The following ANKS1B variants were observed in gnomAD, a reference collection of about 807,000 sequenced individuals.
ANKS1B encodes ankyrin repeat and sterile alpha motif domain containing 1B, also known as ankyrin repeat and sterile alpha motif domain-containing protein 1B.
In ANKS1B, 36 loss-of-function variants were observed where a neutral mutation model predicts 148.3. That is an observed-to-expected ratio of 0.24 (90% confidence interval 0.19 to 0.32). The LOEUF is 0.32. Among genes scored for constraint, ANKS1B ranks in the 10% least tolerant of loss-of-function variants. The probability of loss-of-function intolerance (pLI) is 1.00; values close to 1 mark genes in which losing one functional copy is unlikely to be tolerated. For missense variants in ANKS1B, 1,157 were observed against 1,542.6 expected (o/e 0.75, Z 4.19); for synonymous variants, 542 against 560.8 (o/e 0.97, Z 0.47).
In ANKS1B at chr12:98,870,144, A is replaced by G. The variant is rs149529846; in HGVS notation, c.2779-38008T>C. On this transcript the variant is annotated intron_variant, in intron 17 of 26. Transcript: ENST00000683438. Reference sequence around the variant, plus strand: ...CTCCTGGAATTGTTTGAAAGATTCAATGTGAATTCAATGATATAACACATC... The same window carrying G: ...CTCCTGGAATTGTTTGAAAGATTCAGTGTGAATTCAATGATATAACACATC... Among the ~76,000 whole-genome samples the G allele has an allele frequency of 1.3e-3, 201 of 152,360 alleles. 2 individuals carry two copies. The highest frequency in any genetic ancestry group is 4.7e-3 in the African/African-American group (197 of 41,586).
At chr12:99,809,802 G>A (rs1453620965) in intron 3 of ANKS1B, among the ~76,000 whole-genome samples, 9 of 152,042 alleles carry the variant, frequency 5.9e-5, no homozygotes, top group Admixed American at 5.9e-4. Flanking sequence ...TCAGAATGAA[G>A]CCCTGACTAT....
At chr12:99,417,571 T>C (rs531847078) in intron 11 of ANKS1B, among the ~76,000 whole-genome samples, 1 of 152,274 alleles carries the variant, frequency 6.6e-6, no homozygotes, top group Admixed American at 6.5e-5. Flanking sequence ...AATAATCTTA[T>C]ATTTACAAAA....
intron 4 of ANKS1B, among the ~76,000 whole-genome samples, chr12:99,801,066 C>A (rs1042561787): frequency 2.0e-5 from 3 of 152,102 alleles, no homozygotes; most frequent in Non-Finnish European, 4.4e-5. Context: ...CTTTGTACTT[C>A]TTTCCACTTA....
rs75073229 is a variant in ANKS1B at position 99,145,544 on chromosome 12, G to A, written c.2526+8745C>T. 7.0e-3 allele frequency among the ~76,000 whole-genome samples: 1,070 copies of A among 152,150 alleles called. 10 individuals are homozygous for A. Among genetic ancestry groups the A allele is most frequent in the African/African-American group, 0.023 (963 of 41,522 alleles). ...GGAAACTGTAAACAAAAGTGAATGC[G>A]TATATTTATTTGGCAGTGAGCATTC... is the stretch of plus-strand genomic sequence containing the variant. On this transcript the variant is annotated intron_variant, in intron 15 of 26. Transcript: ENST00000683438.
At position 98,744,098 on chromosome 12, in the gene ANKS1B, C is replaced by G. The variant is rs893146978; in HGVS notation, c.*1641G>C. 5 of 984,748 alleles carry G rather than the reference C, an allele frequency of 5.1e-6. No homozygotes were observed. In the African/African-American group the frequency reaches 7.0e-5, roughly 14 times the overall value. The allele number at this position is 984,748 out of a possible 1,614,324, so 61.0% of individuals were successfully genotyped here. ...CACATATGCTTCTGTTTCAGCAAAG[C>G]TCCTATTAACTTTGCTCCTATACAA... On this transcript the variant is annotated 3_prime_UTR_variant, in exon 27 of 27. Transcript: ENST00000683438.
rs200475160 is a variant in ANKS1B, at chr12:99,789,355, T to TACA, written c.670-7261_670-7259dup. 2.8e-4 allele frequency among the ~76,000 whole-genome samples: 42 copies of TACA among 152,192 alleles called. No homozygotes were observed. The East Asian group carries it at 7.9e-3, about 29-fold the overall frequency. The stretch of plus-strand genomic sequence containing the variant: ...GGAAAGTCTTCCTAAGAAGGACAGA[T>TACA]ACAAACAGGTCCAGACTGTGAAGAC... On this transcript the variant is annotated intron_variant, in intron 4 of 26. Coordinates refer to ENST00000683438, the MANE Select transcript of ANKS1B (RefSeq NM_001352186.2).
rs1048459200 is a variant in ANKS1B at position 99,300,531 on chromosome 12, G to A, written c.1757-53667C>T. ...CAAAGCCCATTATAATAAACTCCAT[G>A]GAGCATCTACATTTTTGCTTGCAGT... is the stretch of plus-strand genomic sequence containing the variant. On this transcript the variant is annotated intron_variant, in intron 12 of 26. Transcript: ENST00000683438. Among the ~76,000 whole-genome samples the A allele has an allele frequency of 2.0e-5, 3 of 151,744 alleles. No homozygotes were observed. The South Asian group carries it at 6.2e-4, about 31-fold the overall frequency.
intron 3 of ANKS1B, among the ~76,000 whole-genome samples, chr12:99,811,882 T>C (rs1002430001): frequency 6.6e-6 from 1 of 151,872 alleles, no homozygotes; most frequent in Non-Finnish European, 1.5e-5. Context: ...TCAATGGCTA[T>C]AAAATGGCTG....
intron 2 of ANKS1B, among the ~76,000 whole-genome samples, chr12:99,823,506 A>G (rs1377980332): frequency 2.0e-5 from 3 of 152,066 alleles, no homozygotes; most frequent in African/African-American, 7.2e-5. Flanking sequence ...GGGTTTTGCC[A>G]CATTGGTCAG....
chr12:99,202,835 C>T (rs535171902), intron 14 of ANKS1B, among the ~76,000 whole-genome samples: 12 of 152,312 alleles, frequency 7.9e-5, no homozygotes, highest in Middle Eastern at 3.4e-3. Flanking sequence ...TACCACCAGT[C>T]ATGCCACTTG....
intron 1 of ANKS1B, among the ~76,000 whole-genome samples, chr12:99,843,366 C>T (rs1004234493): frequency 2.0e-5 from 3 of 152,024 alleles, no homozygotes; most frequent in Non-Finnish European, 2.9e-5. Context: ...GGCTATTAAG[C>T]CCAGCATCCA....
chr12:98,863,481 T>C (rs2099609811), intron 17 of ANKS1B, among the ~76,000 whole-genome samples: 1 of 152,214 alleles, frequency 6.6e-6, no homozygotes, highest in Admixed American at 6.5e-5. Context: ...GTGGAGACCC[T>C]GATTAGTCTG....
At chr12:99,709,041 T>A (rs1187783110) in intron 8 of ANKS1B, among the ~76,000 whole-genome samples, 6 of 152,110 alleles carry the variant, frequency 3.9e-5, no homozygotes, top group Non-Finnish European at 1.5e-5. Context: ...TCTGGGAAAT[T>A]TTTGAGCCAT....
chr12:99,513,247 T>C (rs1249508630), intron 9 of ANKS1B, among the ~76,000 whole-genome samples: 1 of 152,016 alleles, frequency 6.6e-6, no homozygotes, highest in East Asian at 1.9e-4. Context: ...TTAGACATAA[T>C]GCTATTGCAC....
At chr12:99,211,494 C>T (rs2083338753) in intron 14 of ANKS1B, among the ~76,000 whole-genome samples, 1 of 152,210 alleles carries the variant, frequency 6.6e-6, no homozygotes, top group African/African-American at 2.4e-5. Context: ...ATAAACCCAT[C>T]TCCTCTTGCT....
chr12:99,132,473 C>T (rs2066423108), intron 15 of ANKS1B, among the ~76,000 whole-genome samples: 1 of 146,174 alleles, frequency 6.8e-6, no homozygotes, highest in Non-Finnish European at 1.5e-5. Flanking sequence ...AGACCTTGTC[C>T]CCGCCTTCAA....
At chr12:99,777,791 A>C (rs1002699513) in intron 6 of ANKS1B, among the ~76,000 whole-genome samples, 5 of 150,832 alleles carry the variant, frequency 3.3e-5, no homozygotes, top group African/African-American at 1.2e-4. Context: ...TCACCGTGTT[A>C]GCCGGGATGG....
At chr12:98,869,265 G>T (rs1260192639) in intron 17 of ANKS1B, among the ~76,000 whole-genome samples, 1 of 152,184 alleles carries the variant, frequency 6.6e-6, no homozygotes, top group South Asian at 2.1e-4. Context: ...TTATTAAGAA[G>T]TGAATAGACC....
At position 99,840,267 on chromosome 12, in the gene ANKS1B, C is replaced by T. The variant is rs150705764; in HGVS notation, c.135-14878G>A. Among the ~76,000 whole-genome samples, 89 of 152,212 alleles carry T rather than the reference C, an allele frequency of 5.8e-4. 1 individual carries two copies. The highest frequency in any genetic ancestry group is 2.1e-3 in the African/African-American group (87 of 41,548). Reference sequence around the variant, plus strand: ...AAGAAATGGGCTTAATGCTGAGGAACAGCCAGGACAGCAGTGTGGCTGGAA... The same window carrying T: ...AAGAAATGGGCTTAATGCTGAGGAATAGCCAGGACAGCAGTGTGGCTGGAA... On this transcript the variant is annotated intron_variant, in intron 1 of 26. Coordinates refer to ENST00000683438, the MANE Select transcript of ANKS1B (RefSeq NM_001352186.2).
Sources: gnomAD v4.1 joint callset for allele counts (sites outside exome capture counted in the v4.1 genomes callset) on GRCh38, gnomAD v4.1.1 for gene constraint, MANE v1.5 for transcripts, NCBI Gene and HGNC (gene_info 2026-07-23, HGNC 2026-07-21) for gene names.